Variants in CCM2 observed in about 807,000 individuals in gnomAD.
CCM2 encodes cerebral cavernous malformations 2 protein.
In CCM2, 25 loss-of-function variants were observed where a neutral mutation model predicts 44.9. That is an observed-to-expected ratio of 0.56 (90% CI 0.41 to 0.78). CCM2 has a LOEUF of 0.78. Ranked by LOEUF, CCM2 falls within the 30% of genes least tolerant of loss-of-function variation. The probability of loss-of-function intolerance (pLI) is 0.00; values close to 1 mark genes in which losing one functional copy is unlikely to be tolerated. For missense variants in CCM2, 481 were observed against 580.6 expected (o/e 0.83, Z 1.76); for synonymous variants, 219 against 241.1 (o/e 0.91, Z 0.85).
intron 1 of CCM2, among the ~76,000 whole-genome samples, chr7:45,017,405 A>G (rs1434180450): frequency 6.6e-6 from 1 of 152,222 alleles, no homozygotes; most frequent in East Asian, 1.9e-4. Context: ...TCTCTTATAC[A>G]GTCACAGCTA....
chr7:45,008,039 ATTTT>A (rs66538861), intron 1 of CCM2, among the ~76,000 whole-genome samples: 61,006 of 127,460 alleles, frequency 0.48, 14,546 homozygotes, highest in East Asian at 0.69. Context: ...GGTGGGGTAC[ATTTT>A]TTTTTTTTTT....
chr7:45,063,975 A>G lies in CCM2; in HGVS notation c.262A>G (p.Ile88Val), dbSNP rs375164035. 7 of 1,612,646 alleles carry G rather than the reference A, an allele frequency of 4.3e-6. No individual in the cohort carries two copies. In the African/African-American group the frequency reaches 9.4e-5, roughly 22 times the overall value. The stretch of plus-strand genomic sequence containing the variant: ...CCTGAATCCCTCCAGTAGGACTGAA[A>G]TCCTGCATTTCATAGACAATGCAAA... ...GYLNPSSRTE[I>V]LHFIDNAKRA... Residue 88 changes from isoleucine (I) to valine (V), a missense_variant, in exon 3 of 10, where the codon ATC (isoleucine) becomes GTC (valine). Transcript: ENST00000258781.
At chr7:45,071,950 T>A in intron 6 of CCM2, 1 of 437,624 alleles carries the variant, frequency 2.3e-6, no homozygotes, top group Non-Finnish European at 4.6e-6. Flanking sequence ...GATGTGGACG[T>A]CTTTGGGGGG....
chr7:45,046,823 A>G lies in CCM2; in HGVS notation c.204+8397A>G, dbSNP rs545012786. 3.9e-5 allele frequency among the ~76,000 whole-genome samples: 6 copies of G among 152,332 alleles called. No homozygotes were observed. The South Asian group carries it at 6.2e-4, about 16-fold the overall frequency. On this transcript the variant is annotated intron_variant, in intron 2 of 9. Coordinates refer to ENST00000258781, the MANE Select transcript of CCM2 (RefSeq NM_031443.4). ...CTGAGAGGAGATATTTTTAAACCAC[A>G]TATCTGACAGAGGGTTGGTATCTAC...
In CCM2 at chr7:45,068,569, C is replaced by T. The variant is rs749490859; in HGVS notation, c.599C>T (p.Ala200Val). Residue 200 changes from alanine (A) to valine (V), a missense_variant, in exon 5 of 10, where the codon GCA (alanine) becomes GTA (valine). Coordinates refer to ENST00000258781, the MANE Select transcript of CCM2 (RefSeq NM_031443.4). ...VEACCLVILAAESKVAAEELC... is the reference protein window; with the variant it reads ...VEACCLVILAVESKVAAEELC... ...GCATGCTGCCTGGTCATCCTGGCTG[C>T]AGAGAGCAAGGTGAGACTTTCTCGC... 3.1e-6 allele frequency: 5 copies of T among 1,614,004 alleles called. No individual in the cohort carries two copies. The highest frequency in any genetic ancestry group is 4.2e-6 in the Non-Finnish European group (5 of 1,180,008).
intron 2 of CCM2, among the ~76,000 whole-genome samples, chr7:45,050,057 A>T (rs913544620): frequency 2.6e-5 from 4 of 152,226 alleles, no homozygotes; most frequent in African/African-American, 7.2e-5. Context: ...ATTATAAGGG[A>T]GCTAAAAAAT....
intron 2 of CCM2, among the ~76,000 whole-genome samples, chr7:45,042,968 CTTT>C (rs35874377): frequency 0.47 from 62,682 of 134,192 alleles, 15,218 homozygotes; most frequent in African/African-American, 0.67. Flanking sequence ...TCTTCTTCTT[CTTT>C]TTTTTTTTTT....
intron 9 of CCM2, among the ~76,000 whole-genome samples, chr7:45,075,457 C>G (rs567016977): frequency 6.6e-6 from 1 of 152,306 alleles, no homozygotes; most frequent in Admixed American, 6.5e-5. Flanking sequence ...TTTGTGAGGA[C>G]TAATAGAGAA....
At chr7:45,060,719 C>G (rs574139528) in intron 2 of CCM2, among the ~76,000 whole-genome samples, 1 of 152,304 alleles carries the variant, frequency 6.6e-6, no homozygotes, top group Non-Finnish European at 1.5e-5. Flanking sequence ...TGTCCAGCCT[C>G]TTGAGCTTGT....
chr7:45,027,307 C>A lies in CCM2; in HGVS notation c.31-10946C>A, dbSNP rs901919076. On this transcript the variant is annotated intron_variant, in intron 1 of 9. Coordinates refer to ENST00000258781, the MANE Select transcript of CCM2 (RefSeq NM_031443.4). ...CTTCACCAACAGCACGGCCTGTTGT[C>A]TCCAGGAAATGGTAGCCCCTCACAG... The A allele has an allele frequency of 8.8e-6, 3 of 342,600 alleles. 1 individual carries two copies. Among genetic ancestry groups the A allele is most frequent in the Admixed American group, 8.2e-5 (2 of 24,452 alleles). 21.2% of individuals were successfully genotyped at this position (342,600 alleles called of 1,614,324 possible). A position where few individuals can be genotyped will look rare whatever the true frequency, so the allele number is the denominator to read the frequency against.
At chr7:45,002,345 G>C (rs1017593926) in intron 1 of CCM2, among the ~76,000 whole-genome samples, 3 of 152,160 alleles carry the variant, frequency 2.0e-5, no homozygotes, top group South Asian at 2.1e-4. Context: ...GCCAAGGCTC[G>C]ATCACTTTAG....
intron 6 of CCM2, 65 bp from the exon 7 acceptor site, chr7:45,072,660 TG>T: frequency 1.6e-6 from 2 of 1,237,110 alleles, no homozygotes; most frequent in Non-Finnish European, 2.4e-6. Flanking sequence ...AGCAGTGGGC[TG>T]GACTCAAAAT....
chr7:45,039,671 G>C (rs1349559067), intron 2 of CCM2, among the ~76,000 whole-genome samples: 1 of 152,204 alleles, frequency 6.6e-6, no homozygotes. Context: ...AAATATTGTT[G>C]ACAGTGACAA....
Position 45,015,802 on chromosome 7 carries a change from A to G in CCM2, c.30+15439A>G, listed in dbSNP as rs576037656. Among the ~76,000 whole-genome samples, 13 of 152,280 alleles carry G rather than the reference A, an allele frequency of 8.5e-5. No individual in the cohort carries two copies. In the East Asian group the frequency reaches 2.5e-3, roughly 29 times the overall value. On this transcript the variant is annotated intron_variant, in intron 1 of 9. Transcript: ENST00000258781. ...CCAGTTAGAGAGCTCATCTCTGGAC[A>G]TGCTTCCCGTCTTGTCCTTGACATG... is the stretch of plus-strand genomic sequence containing the variant.
At chr7:45,010,384 T>C (rs1796019973) in intron 1 of CCM2, among the ~76,000 whole-genome samples, 1 of 152,178 alleles carries the variant, frequency 6.6e-6, no homozygotes, top group Non-Finnish European at 1.5e-5. Flanking sequence ...TTTTCCACCA[T>C]AGGTTAATTT....
chr7:45,024,929 T>C (rs1796622662), intron 1 of CCM2, among the ~76,000 whole-genome samples: 1 of 152,238 alleles, frequency 6.6e-6, no homozygotes, highest in South Asian at 2.1e-4. Context: ...ATCGTTGTTG[T>C]CTTCTGATAT....
chr7:45,010,280 C>T (rs1796016428), intron 1 of CCM2, among the ~76,000 whole-genome samples: 1 of 152,128 alleles, frequency 6.6e-6, no homozygotes, highest in Non-Finnish European at 1.5e-5. Flanking sequence ...AACTGAAACC[C>T]CTACTAAGAA....
intron 2 of CCM2, among the ~76,000 whole-genome samples, chr7:45,049,675 A>T (rs1562892485): frequency 6.6e-6 from 1 of 152,230 alleles, no homozygotes. Context: ...TAAATTACAA[A>T]AGTGGAGTTT....
chr7:45,015,438 A>G (rs1796227666), intron 1 of CCM2, among the ~76,000 whole-genome samples: 1 of 152,150 alleles, frequency 6.6e-6, no homozygotes, highest in Admixed American at 6.5e-5. Context: ...TGAACTAAGA[A>G]ATATTCCCTT....
Sources: gnomAD v4.1 joint callset for allele counts (sites outside exome capture counted in the v4.1 genomes callset) on GRCh38, gnomAD v4.1.1 for gene constraint, MANE v1.5 for transcripts, NCBI Gene and HGNC (gene_info 2026-07-23, HGNC 2026-07-21) for gene names.